CDH4: variants seen among roughly 807,000 people sequenced by gnomAD.
The protein encoded by CDH4 is cadherin 4, also known as cadherin-4.
Under a neutral mutation model 86.0 loss-of-function variants are expected in CDH4, and 33 were observed. That is an observed-to-expected ratio of 0.38 (90% CI 0.29 to 0.51). The LOEUF is 0.51. CDH4 is among the 20% of genes least tolerant of loss of function. CDH4 has a pLI of 0.86. For missense variants in CDH4, 1,114 were observed against 1,307.4 expected, an observed-to-expected ratio of 0.85 and a Z score of 2.28; for synonymous variants, 555 against 549.4, an observed-to-expected ratio of 1.01 and a Z score of -0.14.
chr20:61,450,815 G>A (rs1486076950), intron 2 of CDH4, among the ~76,000 whole-genome samples: 1 of 150,748 alleles, frequency 6.6e-6, no homozygotes, highest in Admixed American at 6.6e-5. Context: ...GTCTGCTGCT[G>A]TGCTCCAAGA....
intron 2 of CDH4, among the ~76,000 whole-genome samples, chr20:61,569,047 G>A (rs937701582): frequency 2.6e-5 from 4 of 152,280 alleles, no homozygotes; most frequent in East Asian, 1.9e-4. Context: ...GGGTCATGGG[G>A]GCAGCAAGCC....
rs562488174 is a variant in CDH4 at position 61,686,637 on chromosome 20, G to A, written c.170-56926G>A. 1.3e-4 allele frequency among the ~76,000 whole-genome samples: 19 copies of A among 150,124 alleles called. No individual in the cohort carries two copies. The East Asian group carries it at 3.6e-3, about 28-fold the overall frequency. ...TGTGTGTATCTGAGTGCACATTCTC[G>A]TGTGCATTCGCGTGTGTGCATTCGC... On this transcript the variant is annotated intron_variant, in intron 2 of 15. Coordinates refer to ENST00000614565, the MANE Select transcript of CDH4 (RefSeq NM_001794.5).
intron 2 of CDH4, among the ~76,000 whole-genome samples, chr20:61,560,466 G>A (rs1343796710): frequency 1.3e-5 from 2 of 152,228 alleles, no homozygotes; most frequent in Non-Finnish European, 2.9e-5. Context: ...AGTTGTGGGG[G>A]AAGTTATCCT....
chr20:61,794,392 C>A (rs1386574070), intron 4 of CDH4, among the ~76,000 whole-genome samples: 1 of 152,274 alleles, frequency 6.6e-6, no homozygotes, highest in Admixed American at 6.5e-5. Context: ...ACCCGTCGTT[C>A]CCCCACTTCC....
intron 2 of CDH4, among the ~76,000 whole-genome samples, chr20:61,421,966 GAC>G (rs2085180110): frequency 6.6e-6 from 1 of 152,194 alleles, no homozygotes; most frequent in Non-Finnish European, 1.5e-5. Flanking sequence ...GTGTGGGGCT[GAC>G]ACACATTCCT....
intron 4 of CDH4, among the ~76,000 whole-genome samples, chr20:61,843,729 G>C (rs1982294783): frequency 1.3e-5 from 2 of 152,040 alleles, no homozygotes; most frequent in Non-Finnish European, 2.9e-5. Context: ...TTTTGTTTTG[G>C]GGGTATTTTT....
chr20:61,867,816 A>G (rs1446892895), intron 6 of CDH4, among the ~76,000 whole-genome samples: 2 of 152,220 alleles, frequency 1.3e-5, no homozygotes, highest in Admixed American at 1.3e-4. Context: ...TCTAATGAGC[A>G]GTCCTTTCCA....
intron 2 of CDH4, among the ~76,000 whole-genome samples, chr20:61,451,122 G>A (rs77213920): frequency 7.9e-5 from 8 of 100,636 alleles, no homozygotes; most frequent in South Asian, 6.5e-4. Context: ...TCCCTCTCAC[G>A]CCCCCCCCCT....
rs777275074 is a variant in CDH4 at position 61,510,897 on chromosome 20, AG to A, written c.170-232664del. On this transcript the variant is annotated intron_variant, in intron 2 of 15. Coordinates refer to ENST00000614565, the MANE Select transcript of CDH4 (RefSeq NM_001794.5). The surrounding 1 kb of genome is among the most constrained non-coding windows in gnomAD (Gnocchi z 4.2). ...TCAGGAAGCTGACAATGGTGGGGGA[AG>A]GTGAGGGGGTGGGGACAGACATGTC... Among the ~76,000 whole-genome samples, 11 of 132,680 alleles carry A rather than the reference AG, an allele frequency of 8.3e-5. No individual in the cohort carries two copies. Among genetic ancestry groups the A allele is most frequent in the Non-Finnish European group, 1.4e-4 (9 of 62,472 alleles). The allele number at this position is 132,680 out of a possible 152,430, so 87.0% of individuals were successfully genotyped here. A position where few individuals can be genotyped will look rare whatever the true frequency, so the allele number is the denominator to read the frequency against.
intron 2 of CDH4, among the ~76,000 whole-genome samples, chr20:61,496,785 T>A (rs751630823): frequency 7.2e-5 from 11 of 152,242 alleles, no homozygotes; most frequent in Non-Finnish European, 1.2e-4. Context: ...ACTATGGTTT[T>A]GCCTGTGCTG....
intron 2 of CDH4, among the ~76,000 whole-genome samples, chr20:61,399,694 C>A (rs73314693): frequency 0.071 from 10,869 of 152,286 alleles, 600 homozygotes; most frequent in East Asian, 0.21. Context: ...CCATCCATCA[C>A]CCACGAAGCA....
chr20:61,530,753 G>A (rs1431880029), intron 2 of CDH4, among the ~76,000 whole-genome samples: 1 of 152,106 alleles, frequency 6.6e-6, no homozygotes, highest in African/African-American at 2.4e-5. Flanking sequence ...GGGCTGGGGA[G>A]CAGGTGAGCG....
At chr20:61,698,642 C>G (rs902343318) in intron 2 of CDH4, among the ~76,000 whole-genome samples, 3 of 152,240 alleles carry the variant, frequency 2.0e-5, no homozygotes, top group Non-Finnish European at 2.9e-5. Flanking sequence ...GAGCCTGTCT[C>G]CAGCCTTGGT....
chr20:61,939,936 A>G lies in CDH4; in HGVS notation c.*2993A>G, dbSNP rs2055243362. 1 of 152,256 alleles carries G rather than the reference A, an allele frequency of 6.6e-6. No homozygotes were observed. Among genetic ancestry groups the G allele is most frequent in the Non-Finnish European group, 1.5e-5 (1 of 68,048 alleles). 9.4% of individuals were successfully genotyped at this position (152,256 alleles called of 1,614,324 possible). A position where few individuals can be genotyped will look rare whatever the true frequency, so the allele number is the denominator to read the frequency against. The stretch of plus-strand genomic sequence containing the variant: ...AGGCCTCCTGCCACCAACGTGTCAG[A>G]GCAATGTCCAACTGTCAGGCTCTCA... On this transcript the variant is annotated 3_prime_UTR_variant, in exon 16 of 16. Transcript: ENST00000614565.
At chr20:61,532,712 C>G (rs2085964760) in intron 2 of CDH4, among the ~76,000 whole-genome samples, 1 of 152,308 alleles carries the variant, frequency 6.6e-6, no homozygotes, top group South Asian at 2.1e-4. Context: ...GGAGCAGGCT[C>G]TGGGGAGACG....
intron 2 of CDH4, among the ~76,000 whole-genome samples, chr20:61,616,982 GA>G (rs1309281099): frequency 6.6e-6 from 1 of 152,126 alleles, no homozygotes; most frequent in Non-Finnish European, 1.5e-5. Context: ...TGTCTCAGTG[GA>G]AAACAGAGGA....
chr20:61,411,702 A>AT (rs2085120571), intron 2 of CDH4, among the ~76,000 whole-genome samples: 1 of 152,176 alleles, frequency 6.6e-6, no homozygotes, highest in African/African-American at 2.4e-5. Flanking sequence ...TCAAAATGAA[A>AT]TGAGCAGTGC....
chr20:61,331,700 G>GCCCCGGCCACCTGCCCCAGGC (rs2084580302), intron 2 of CDH4, among the ~76,000 whole-genome samples: 3 of 16,362 alleles, frequency 1.8e-4, no homozygotes, highest in Admixed American at 5.7e-4. Flanking sequence ...CTGCCCCAGA[G>GCCCCGGCCACCTGCCCCAGGC]CCACCTCCTG....
intron 2 of CDH4, among the ~76,000 whole-genome samples, chr20:61,429,405 A>G (rs1047695391): frequency 1.3e-5 from 2 of 152,224 alleles, no homozygotes; most frequent in African/African-American, 4.8e-5. Context: ...GTTCCAGTTT[A>G]TAGCAAATCG....
Sources: allele counts gnomAD v4.1 joint callset (sites outside exome capture counted in the v4.1 genomes callset), GRCh38; gene constraint gnomAD v4.1.1; non-coding constraint Gnocchi (gnomAD v3.1); transcripts MANE v1.5; gene names NCBI Gene and HGNC (gene_info 2026-07-23, HGNC 2026-07-21).